NUDT3: variants seen among roughly 807,000 people sequenced by gnomAD.
The protein encoded by NUDT3 is diphosphoinositol polyphosphate phosphohydrolase 1.
NUDT3 carries 9 observed loss-of-function variants against 23.6 expected under a neutral mutation model. That is an observed-to-expected ratio of 0.38 (90% CI 0.23 to 0.66). The LOEUF (loss-of-function observed/expected upper bound fraction) is 0.66. Among genes scored for constraint, NUDT3 ranks in the 30% least tolerant of loss-of-function variants. The pLI is 0.52. For missense variants in NUDT3, 172 were observed against 218.5 expected, an observed-to-expected ratio of 0.79 and a Z score of 1.34; for synonymous variants, 86 against 82.6, an observed-to-expected ratio of 1.04 and a Z score of -0.22.
At chr6:34,351,615 G>A (rs4713773) in intron 1 of NUDT3, among the ~76,000 whole-genome samples, 13,527 of 148,612 alleles carry the variant, frequency 0.091, 1,620 homozygotes, top group East Asian at 0.44. Context: ...GGTCGTGGGC[G>A]CTTGTAATCC....
chr6:34,330,421 T>C (rs865952183), intron 2 of NUDT3, among the ~76,000 whole-genome samples: 13 of 152,354 alleles, frequency 8.5e-5, no homozygotes, highest in Middle Eastern at 3.4e-3. Context: ...CATTTTTTCA[T>C]GTGTCTGTTG....
Position 34,329,656 on chromosome 6 carries a change from T to A in NUDT3, c.210+12206A>T, listed in dbSNP as rs572190209. 1.1e-3 allele frequency among the ~76,000 whole-genome samples: 162 copies of A among 151,834 alleles called. 1 individual carries two copies. The highest frequency in any genetic ancestry group is 6.8e-3 in the Middle Eastern group (2 of 294). On this transcript the variant is annotated intron_variant, in intron 2 of 4. Coordinates refer to ENST00000607016, the MANE Select transcript of NUDT3 (RefSeq NM_006703.4). The stretch of plus-strand genomic sequence containing the variant: ...GGATGAGAAGATACTTAAAAAAAAA[T>A]TTTTTTTTATTATACTTTAAGTTCT...
chr6:34,375,315 G>A lies in NUDT3; in HGVS notation c.99+16949C>T, dbSNP rs9394210. On this transcript the variant is annotated intron_variant, in intron 1 of 4. Coordinates refer to ENST00000607016, the MANE Select transcript of NUDT3 (RefSeq NM_006703.4). ...GCTGAGATCGTGCCATTGCACTCCA[G>A]CCTGGGCGACAGAGTAAGACTCTGT... Among the ~76,000 whole-genome samples, 4 of 152,266 alleles carry A rather than the reference G, an allele frequency of 2.6e-5. No individual in the cohort carries two copies. The East Asian group carries it at 7.7e-4, about 29-fold the overall frequency.
intron 2 of NUDT3, among the ~76,000 whole-genome samples, chr6:34,328,255 T>G (rs1437972340): frequency 6.6e-6 from 1 of 152,166 alleles, no homozygotes; most frequent in South Asian, 2.1e-4. Flanking sequence ...GTCTTCCCCT[T>G]ACCCCCATCT....
intron 1 of NUDT3, among the ~76,000 whole-genome samples, chr6:34,385,522 C>T (rs1459182872): frequency 2.6e-5 from 4 of 151,920 alleles, no homozygotes; most frequent in African/African-American, 9.7e-5. Context: ...CTTTCATATG[C>T]CACATCCATA....
At chr6:34,314,596 T>G (rs982671373) in intron 2 of NUDT3, among the ~76,000 whole-genome samples, 1 of 149,940 alleles carries the variant, frequency 6.7e-6, no homozygotes, top group African/African-American at 2.4e-5. Context: ...ATGCCAAAAG[T>G]AGTTTCTTTC....
chr6:34,360,259 G>C (rs1161089305), intron 1 of NUDT3, among the ~76,000 whole-genome samples: 3 of 131,774 alleles, frequency 2.3e-5, no homozygotes, highest in Non-Finnish European at 4.8e-5. Flanking sequence ...AAAAAAAAAA[G>C]CTAAAAACAA....
At chr6:34,301,057 T>C (rs189600382) in intron 2 of NUDT3, among the ~76,000 whole-genome samples, 52 of 150,066 alleles carry the variant, frequency 3.5e-4, no homozygotes, top group African/African-American at 1.2e-3. Context: ...TTTAGCTATA[T>C]TGACACATGT....
chr6:34,388,657 T>A (rs757962933), intron 1 of NUDT3, among the ~76,000 whole-genome samples: 1 of 152,192 alleles, frequency 6.6e-6, no homozygotes, highest in Non-Finnish European at 1.5e-5. Context: ...AATTAAGGAA[T>A]CTCATCTAAA....
At chr6:34,358,916 T>C (rs1246012123) in intron 1 of NUDT3, among the ~76,000 whole-genome samples, 1 of 152,224 alleles carries the variant, frequency 6.6e-6, no homozygotes, top group Admixed American at 6.5e-5. Context: ...GGAAAATATT[T>C]TTATGTAATT....
Position 34,392,453 on chromosome 6 carries a change from G to A in NUDT3, c.-91C>T. The A allele has an allele frequency of 3.3e-6, 3 of 907,346 alleles. No individual in the cohort carries two copies. The highest frequency in any genetic ancestry group is 6.0e-5 in the East Asian group (2 of 33,422). 56.2% of individuals were successfully genotyped at this position (907,346 alleles called of 1,614,324 possible). On this transcript the variant is annotated 5_prime_UTR_variant, in exon 1 of 5. Transcript: ENST00000607016. Reference sequence around the variant, plus strand: ...ACGGCCGCGTGCGCGCGCGCCCCCGGCTCGGCCAAGGGAAGCAGGGAGGGG... The same window carrying A: ...ACGGCCGCGTGCGCGCGCGCCCCCGACTCGGCCAAGGGAAGCAGGGAGGGG...
chr6:34,315,474 T>C (rs1161872867), intron 2 of NUDT3, among the ~76,000 whole-genome samples: 1 of 152,246 alleles, frequency 6.6e-6, no homozygotes, highest in Non-Finnish European at 1.5e-5. Flanking sequence ...GACATCATTT[T>C]TTACTTTAGA....
In NUDT3 at chr6:34,289,203, C is replaced by T. The variant is rs528845756; in HGVS notation, c.341-272G>A. Among the ~76,000 whole-genome samples the T allele has an allele frequency of 1.2e-4, 18 of 152,272 alleles. No individual in the cohort carries two copies. The South Asian group carries it at 2.5e-3, about 21-fold the overall frequency. On this transcript the variant is annotated intron_variant, in intron 4 of 4. Coordinates refer to ENST00000607016, the MANE Select transcript of NUDT3 (RefSeq NM_006703.4). ...CTAGTGTTTTCCTCCTGCCCTCCTGCGTCTCTGAGCTTTCCTTGCTTGCAC... is the reference window on the plus strand; with the variant it reads ...CTAGTGTTTTCCTCCTGCCCTCCTGTGTCTCTGAGCTTTCCTTGCTTGCAC...
intron 2 of NUDT3, among the ~76,000 whole-genome samples, chr6:34,323,355 C>G (rs1581865484): frequency 1.3e-5 from 2 of 152,206 alleles, no homozygotes; most frequent in Middle Eastern, 3.4e-3. Context: ...TCTCTTGAAC[C>G]CAGGATTTCA....
At chr6:34,326,769 T>C (rs541613041) in intron 2 of NUDT3, among the ~76,000 whole-genome samples, 1 of 151,980 alleles carries the variant, frequency 6.6e-6, no homozygotes, top group African/African-American at 2.4e-5. Context: ...CCCAGCTAAT[T>C]TTCGTGTTTT....
intron 4 of NUDT3, among the ~76,000 whole-genome samples, chr6:34,291,500 A>C (rs1293405950): frequency 6.6e-6 from 1 of 151,760 alleles, no homozygotes; most frequent in African/African-American, 2.4e-5. Context: ...CTTTTCTTTA[A>C]CATTGACAAA....
chr6:34,301,712 G>C (rs1441414818), intron 2 of NUDT3, among the ~76,000 whole-genome samples: 2 of 152,220 alleles, frequency 1.3e-5, no homozygotes, highest in Non-Finnish European at 2.9e-5. Flanking sequence ...CTTGTAAGGA[G>C]TAATAAGTAC....
intron 2 of NUDT3, among the ~76,000 whole-genome samples, chr6:34,312,401 CAA>C (rs71000050): frequency 6.0e-4 from 58 of 97,064 alleles, no homozygotes; most frequent in Admixed American, 5.5e-4. Context: ...GACTCATCAC[CAA>C]AAAAAAAAAA....
intron 1 of NUDT3, among the ~76,000 whole-genome samples, chr6:34,342,289 CAA>C (rs200954440): frequency 1.1e-4 from 7 of 66,494 alleles, no homozygotes; most frequent in African/African-American, 1.8e-4. Context: ...TAGAAGACTT[CAA>C]AAAAAAAAAA....
Sources: gnomAD v4.1 joint callset for allele counts (sites outside exome capture counted in the v4.1 genomes callset) on GRCh38, gnomAD v4.1.1 for gene constraint, MANE v1.5 for transcripts, NCBI Gene and HGNC (gene_info 2026-07-23, HGNC 2026-07-21) for gene names.